The following PTPRM variants were observed in gnomAD, a reference collection of about 807,000 sequenced individuals.
PTPRM encodes the protein protein tyrosine phosphatase receptor type M, also known as receptor-type tyrosine-protein phosphatase mu.
PTPRM carries 47 observed loss-of-function variants against 186.7 expected under a neutral mutation model. The observed-to-expected ratio is 0.25, with a 90% CI of 0.20 to 0.32. The LOEUF is 0.32. Ranked by LOEUF, PTPRM falls within the 10% of genes least tolerant of loss-of-function variation. PTPRM has a pLI of 1.00. For missense variants in PTPRM, 1,494 were observed against 1,865.0 expected, an observed-to-expected ratio of 0.80 and a Z score of 3.66; for synonymous variants, 668 against 674.9, an observed-to-expected ratio of 0.99 and a Z score of 0.16.
intron 20 of PTPRM, among the ~76,000 whole-genome samples, chr18:8,300,887 C>T (rs2095150133): frequency 6.6e-6 from 1 of 152,174 alleles, no homozygotes; most frequent in South Asian, 2.1e-4. Context: ...GTTACCCCTT[C>T]CTCTAGTTTG....
intron 2 of PTPRM, chr18:7,815,244 C>G (rs1191763535): frequency 6.6e-6 from 1 of 152,076 alleles, no homozygotes; most frequent in Non-Finnish European, 1.5e-5. Flanking sequence ...TGTGTAAATC[C>G]TTAATTTTAG....
chr18:7,872,702 G>T lies in PTPRM; in HGVS notation c.197-15404G>T, dbSNP rs533552374. Among the ~76,000 whole-genome samples, 7 of 152,342 alleles carry T rather than the reference G, an allele frequency of 4.6e-5. No homozygotes were observed. In the South Asian group the frequency reaches 1.4e-3, roughly 32 times the overall value. On this transcript the variant is annotated intron_variant, in intron 2 of 32. Transcript: ENST00000580170. Reference sequence around the variant, plus strand: ...TTGACAGACCTGTGGAGGGCACTCTGTGGAGGCAGAAGATGAAGAGCACTT... The same window carrying T: ...TTGACAGACCTGTGGAGGGCACTCTTTGGAGGCAGAAGATGAAGAGCACTT...
chr18:8,400,108 G>T (rs531786278), intron 32 of PTPRM, among the ~76,000 whole-genome samples: 2 of 152,196 alleles, frequency 1.3e-5, no homozygotes, highest in Non-Finnish European at 2.9e-5. Flanking sequence ...CACTGTGTGT[G>T]TGAGCTTCAT....
At chr18:7,602,159 G>A (rs1179545961) in intron 1 of PTPRM, among the ~76,000 whole-genome samples, 1 of 152,192 alleles carries the variant, frequency 6.6e-6, no homozygotes. Context: ...GCTCTTTAAA[G>A]TGGTCAGGAC....
At chr18:7,851,776 G>A (rs926471765) in intron 2 of PTPRM, among the ~76,000 whole-genome samples, 8 of 152,132 alleles carry the variant, frequency 5.3e-5, no homozygotes, top group African/African-American at 1.9e-4. Flanking sequence ...GTGGCAAGGA[G>A]TATTGCTGGA....
chr18:7,572,895 A>C (rs2036597311), intron 1 of PTPRM, among the ~76,000 whole-genome samples: 1 of 152,242 alleles, frequency 6.6e-6, no homozygotes, highest in Non-Finnish European at 1.5e-5. Context: ...GCATTATAAG[A>C]GGATGTTGCT....
chr18:7,743,773 C>T (rs970223844), intron 1 of PTPRM, among the ~76,000 whole-genome samples: 1 of 152,080 alleles, frequency 6.6e-6, no homozygotes, highest in African/African-American at 2.4e-5. Context: ...ATAGAGAAAC[C>T]TATGCTTGTT....
chr18:7,997,996 T>G (rs2083643329), intron 7 of PTPRM, among the ~76,000 whole-genome samples: 1 of 152,138 alleles, frequency 6.6e-6, no homozygotes, highest in Admixed American at 6.6e-5. Flanking sequence ...AAAATAGAAC[T>G]ACTGTATAAT....
intron 2 of PTPRM, among the ~76,000 whole-genome samples, chr18:7,801,402 C>A (rs933591892): frequency 6.6e-6 from 1 of 152,098 alleles, no homozygotes; most frequent in Non-Finnish European, 1.5e-5. Flanking sequence ...CTTCAACCTC[C>A]ACATCTTGTC....
rs546518693 is a variant in PTPRM at position 7,884,684 on chromosome 18, A to T, written c.197-3422A>T. 5.5e-4 allele frequency among the ~76,000 whole-genome samples: 84 copies of T among 152,090 alleles called. 1 individual carries two copies. The highest frequency in any genetic ancestry group is 1.8e-3 in the African/African-American group (75 of 41,488). On this transcript the variant is annotated intron_variant, in intron 2 of 32. Coordinates refer to ENST00000580170, the MANE Select transcript of PTPRM (RefSeq NM_001105244.2). ...TTGCCTGTAATCCCAGCACTTTGGG[A>T]GGCCGAGGTGGGTGGATTACCTGAG...
chr18:7,878,717 C>T (rs1392578838), intron 2 of PTPRM, among the ~76,000 whole-genome samples: 1 of 152,060 alleles, frequency 6.6e-6, no homozygotes, highest in Non-Finnish European at 1.5e-5. Flanking sequence ...GATCTGCAGA[C>T]CATACTGAGT....
intron 11 of PTPRM, among the ~76,000 whole-genome samples, chr18:8,110,856 A>C (rs2145674254): frequency 6.6e-6 from 1 of 152,320 alleles, no homozygotes; most frequent in Non-Finnish European, 1.5e-5. Flanking sequence ...AATACTCAAA[A>C]GAAGTTGACT....
intron 7 of PTPRM, 22 bp downstream of exon 7, chr18:7,955,436 A>T: frequency 6.3e-7 from 1 of 1,590,466 alleles, no homozygotes; most frequent in South Asian, 1.1e-5. Context: ...GAACCCTGCA[A>T]TTAATTGTCA....
At chr18:7,879,011 G>A (rs2048370639) in intron 2 of PTPRM, among the ~76,000 whole-genome samples, 1 of 152,140 alleles carries the variant, frequency 6.6e-6, no homozygotes, top group Non-Finnish European at 1.5e-5. Flanking sequence ...ATAGTTAAAA[G>A]GTTGTGTTTG....
chr18:7,624,545 G>A (rs1045011755), intron 1 of PTPRM, among the ~76,000 whole-genome samples: 3 of 152,034 alleles, frequency 2.0e-5, no homozygotes, highest in African/African-American at 7.2e-5. Flanking sequence ...GAGTGCAGTG[G>A]CGTCATCATG....
intron 1 of PTPRM, among the ~76,000 whole-genome samples, chr18:7,722,138 C>T (rs914769052): frequency 6.6e-6 from 1 of 152,220 alleles, no homozygotes; most frequent in Non-Finnish European, 1.5e-5. Context: ...TAAAAATCTT[C>T]TGTGCTCTGC....
chr18:8,208,429 T>G (rs1422256903), intron 14 of PTPRM, among the ~76,000 whole-genome samples: 1 of 152,170 alleles, frequency 6.6e-6, no homozygotes, highest in Admixed American at 6.5e-5. Context: ...AATAAGTAGC[T>G]TATTTGTACT....
intron 2 of PTPRM, among the ~76,000 whole-genome samples, chr18:7,775,753 A>G (rs2042551360): frequency 6.6e-6 from 1 of 152,240 alleles, no homozygotes; most frequent in Non-Finnish European, 1.5e-5. Flanking sequence ...TCTTAAATTG[A>G]AACTTGACTT....
At position 7,774,173 on chromosome 18, in the gene PTPRM, A is replaced by G. The variant is rs1429120070; in HGVS notation, c.98A>G (p.Tyr33Cys). 4 of 1,612,176 alleles carry G rather than the reference A, an allele frequency of 2.5e-6. No individual in the cohort carries two copies. The highest frequency in any genetic ancestry group is 4.5e-5 in the East Asian group (2 of 44,852). Residue 33 changes from tyrosine to cysteine, a missense_variant, in exon 2 of 33, where the codon TAT becomes TGT. Around this residue, in one of 3 missense-constraint regions of PTPRM, gnomAD observed 296 missense variants for 345.5 expected, o/e 0.86. Coordinates refer to ENST00000580170, the MANE Select transcript of PTPRM (RefSeq NM_001105244.2). ...FSGGCLFDEP[Y>C]STCGYSQSEG... is the part of the protein sequence containing the mutation. ...GGTGGCTGCCTCTTTGATGAGCCGT[A>G]TAGCACATGTGGATATAGTCAATCT...
Sources: allele counts gnomAD v4.1 joint callset (sites outside exome capture counted in the v4.1 genomes callset), GRCh38; gene constraint gnomAD v4.1.1; regional missense constraint gnomAD v4.1.1; transcripts MANE v1.5; gene names NCBI Gene and HGNC (gene_info 2026-07-23, HGNC 2026-07-21).